ZBTB7C: variants seen among roughly 807,000 people sequenced by gnomAD.
ZBTB7C encodes the protein zinc finger and BTB domain containing 7C.
A neutral mutation model predicts 25.7 loss-of-function variants in ZBTB7C; 8 were observed. The observed-to-expected ratio is 0.31, with a 90% CI of 0.18 to 0.56. ZBTB7C has a LOEUF of 0.56. Ranked by LOEUF, ZBTB7C falls within the 20% of genes least tolerant of loss-of-function variation. The pLI is 0.91. For missense variants in ZBTB7C, 824 were observed against 855.2 expected, an observed-to-expected ratio of 0.96 and a Z score of 0.46; for synonymous variants, 394 against 369.0, an observed-to-expected ratio of 1.07 and a Z score of -0.78.
At chr18:48,280,046 CAG>C (rs2044786387) in intron 2 of ZBTB7C, among the ~76,000 whole-genome samples, 1 of 152,158 alleles carries the variant, frequency 6.6e-6, no homozygotes, top group Non-Finnish European at 1.5e-5. Context: ...GTGCTAGAGA[CAG>C]AATGGTAAAT....
At chr18:48,197,357 G>A (rs1419860761) in intron 2 of ZBTB7C, among the ~76,000 whole-genome samples, 1 of 152,108 alleles carries the variant, frequency 6.6e-6, no homozygotes, top group Non-Finnish European at 1.5e-5. Flanking sequence ...AATATACATG[G>A]TTTTACAAAA....
chr18:48,040,745 G>A lies in ZBTB7C; in HGVS notation c.363C>T (p.Asn121=), dbSNP rs201376293. The A allele has an allele frequency of 1.2e-5, 19 of 1,613,376 alleles. No homozygotes were observed. The Admixed American group carries it at 2.2e-4, about 18-fold the overall frequency. Residue 121 remains asparagine, a synonymous_variant, in exon 4 of 5, where the codon AAC becomes AAT. Coordinates refer to ENST00000590800, the MANE Select transcript of ZBTB7C (RefSeq NM_001318841.2). ...CAGGCTCCATGATCTCCAGGCACAC[G>A]TTCACGATGCACTGGATCTCCAGCA... ...ARMLEIQCIV[N]VCLEIMEPGG... is the part of the protein sequence containing the mutation.
intron 2 of ZBTB7C, among the ~76,000 whole-genome samples, chr18:48,283,020 T>C (rs531204710): frequency 3.9e-4 from 60 of 152,270 alleles, no homozygotes; most frequent in Non-Finnish European, 7.4e-4. Flanking sequence ...CAATAAGAAG[T>C]TTAAAAAGGG....
chr18:48,144,216 T>C (rs914513871), intron 3 of ZBTB7C, among the ~76,000 whole-genome samples: 24 of 151,840 alleles, frequency 1.6e-4, no homozygotes, highest in African/African-American at 5.8e-4. Flanking sequence ...GAGGCGGAGG[T>C]TGCAGTGAGC....
At chr18:48,220,204 C>T (rs545657844) in intron 2 of ZBTB7C, among the ~76,000 whole-genome samples, 2 of 152,326 alleles carry the variant, frequency 1.3e-5, no homozygotes, top group Admixed American at 6.5e-5. Flanking sequence ...TCAGTTCACT[C>T]ACAGTCCAGT....
intron 2 of ZBTB7C, among the ~76,000 whole-genome samples, chr18:48,323,223 C>G (rs1490365778): frequency 6.6e-6 from 1 of 152,126 alleles, no homozygotes; most frequent in Non-Finnish European, 1.5e-5. Flanking sequence ...TAAAAAAAAG[C>G]CAGACTCTGC....
At chr18:48,392,001 G>A (rs1486607168) in intron 1 of ZBTB7C, among the ~76,000 whole-genome samples, 1 of 152,190 alleles carries the variant, frequency 6.6e-6, no homozygotes, top group African/African-American at 2.4e-5. Context: ...TCTGTTTAGG[G>A]TCTGTTGTAC....
At chr18:48,312,763 G>A (rs996954313) in intron 2 of ZBTB7C, among the ~76,000 whole-genome samples, 1 of 152,204 alleles carries the variant, frequency 6.6e-6, no homozygotes, top group African/African-American at 2.4e-5. Flanking sequence ...GCTGTCCCAG[G>A]CTTCTGAAAC....
intron 2 of ZBTB7C, among the ~76,000 whole-genome samples, chr18:48,288,873 T>C (rs1325304404): frequency 2.0e-5 from 3 of 152,204 alleles, no homozygotes; most frequent in Admixed American, 2.0e-4. Context: ...TATGGTACTT[T>C]GTTACAGCAG....
At chr18:48,188,485 C>A (rs1023586100) in intron 2 of ZBTB7C, among the ~76,000 whole-genome samples, 1 of 152,174 alleles carries the variant, frequency 6.6e-6, no homozygotes, top group Non-Finnish European at 1.5e-5. Context: ...AATTATCTCC[C>A]ACTGGGTCCC....
chr18:48,091,003 GGAAAA>G (rs571224329), intron 3 of ZBTB7C, among the ~76,000 whole-genome samples: 160 of 149,562 alleles, frequency 1.1e-3, no homozygotes, highest in Admixed American at 5.6e-3. Flanking sequence ...ATGATAAAAA[GGAAAA>G]GAAAAAAAAG....
chr18:48,233,227 G>A (rs1017913990), intron 2 of ZBTB7C, among the ~76,000 whole-genome samples: 4 of 151,982 alleles, frequency 2.6e-5, no homozygotes, highest in South Asian at 4.2e-4. Context: ...TCTCTCGCGC[G>A]CACGCTCTCT....
chr18:48,139,529 G>A (rs12965052), intron 3 of ZBTB7C, among the ~76,000 whole-genome samples: 104,320 of 151,812 alleles, frequency 0.69, 36,136 homozygotes, highest in African/African-American at 0.75. Flanking sequence ...GCCAGGGCCA[G>A]TGATATTGCA....
intron 2 of ZBTB7C, among the ~76,000 whole-genome samples, chr18:48,204,792 C>T (rs979982780): frequency 6.6e-6 from 1 of 152,188 alleles, no homozygotes; most frequent in African/African-American, 2.4e-5. Flanking sequence ...CCCAGCTATA[C>T]CCCTGCAGCC....
intron 1 of ZBTB7C, among the ~76,000 whole-genome samples, chr18:48,366,298 T>G (rs1342052903): frequency 6.6e-6 from 1 of 152,184 alleles, no homozygotes; most frequent in East Asian, 1.9e-4. Context: ...TTGGATGACA[T>G]GTATGAAAGA....
chr18:48,234,857 G>A (rs1383236178), intron 2 of ZBTB7C, among the ~76,000 whole-genome samples: 2 of 152,112 alleles, frequency 1.3e-5, no homozygotes, highest in African/African-American at 4.8e-5. Context: ...TTTCCTTTGT[G>A]TATTTCGAAA....
chr18:48,174,137 T>C (rs1356612519), intron 3 of ZBTB7C, among the ~76,000 whole-genome samples: 1 of 152,240 alleles, frequency 6.6e-6, no homozygotes, highest in African/African-American at 2.4e-5. Flanking sequence ...CAAATTTATA[T>C]GGCAAATCCC....
chr18:48,287,326 T>C (rs2045086477), intron 2 of ZBTB7C, among the ~76,000 whole-genome samples: 1 of 152,202 alleles, frequency 6.6e-6, no homozygotes, highest in Admixed American at 6.5e-5. Flanking sequence ...TTAAATAAAA[T>C]GGACAAATTC....
intron 2 of ZBTB7C, among the ~76,000 whole-genome samples, chr18:48,296,186 C>T (rs2045384255): frequency 6.6e-6 from 1 of 152,218 alleles, no homozygotes; most frequent in Non-Finnish European, 1.5e-5. Context: ...CCCCCACCAC[C>T]TGCTCAGGCC....
Sources: allele counts gnomAD v4.1 joint callset (sites outside exome capture counted in the v4.1 genomes callset), GRCh38; gene constraint gnomAD v4.1.1; transcripts MANE v1.5; gene names NCBI Gene and HGNC (gene_info 2026-07-23, HGNC 2026-07-21).